The following PPP2R2C variants were observed in gnomAD, a reference collection of about 807,000 sequenced individuals.
PPP2R2C encodes protein phosphatase 2 regulatory subunit Bgamma, also known as protein phosphatase 2, regulatory subunit B, gamma.
PPP2R2C carries 10 observed loss-of-function variants against 45.3 expected under a neutral mutation model. The observed-to-expected ratio is 0.22, with a 90% CI of 0.14 to 0.37. The LOEUF is 0.37. PPP2R2C is among the 10% of genes least tolerant of loss of function. The pLI, the probability that PPP2R2C is intolerant of heterozygous loss-of-function variation, is 1.00. For synonymous variants in PPP2R2C, 257 were observed against 245.4 expected, an observed-to-expected ratio of 1.05 and a Z score of -0.44; for missense variants, 308 against 619.7, an observed-to-expected ratio of 0.50 and a Z score of 5.34.
intron 2 of PPP2R2C, among the ~76,000 whole-genome samples, chr4:6,480,661 G>A (rs1275610571): frequency 6.6e-6 from 1 of 152,062 alleles, no homozygotes; most frequent in Non-Finnish European, 1.5e-5. Context: ...CAGTGTAAAG[G>A]TTTCCTAGGA....
chr4:6,347,739 T>C (rs1016142655), intron 6 of PPP2R2C, 107 bp downstream of exon 6: 16 of 1,399,696 alleles, frequency 1.1e-5, no homozygotes, highest in Middle Eastern at 2.5e-4. Context: ...GTCCAGGACA[T>C]GCTCATCCCA....
chr4:6,512,392 G>A (rs376313898), intron 2 of PPP2R2C, among the ~76,000 whole-genome samples: 3 of 128,422 alleles, frequency 2.3e-5, no homozygotes, highest in African/African-American at 5.9e-5. Flanking sequence ...GGTGGTGATG[G>A]TGGTGGTGGT....
At chr4:6,404,413 G>A (rs941859555) in intron 1 of PPP2R2C, among the ~76,000 whole-genome samples, 1 of 152,172 alleles carries the variant, frequency 6.6e-6, no homozygotes, top group Admixed American at 6.5e-5. Context: ...AAACCCTTGG[G>A]GACGGGTGCC....
intron 1 of PPP2R2C, among the ~76,000 whole-genome samples, chr4:6,401,041 A>G (rs1207494215): frequency 2.6e-5 from 4 of 152,266 alleles, no homozygotes; most frequent in Non-Finnish European, 5.9e-5. Flanking sequence ...GGAAACTGAC[A>G]TTTAACCTAA....
chr4:6,552,606 C>T (rs1476250674), intron 1 of PPP2R2C, among the ~76,000 whole-genome samples: 1 of 152,044 alleles, frequency 6.6e-6, no homozygotes, highest in East Asian at 1.9e-4. Flanking sequence ...CTACCTCCCT[C>T]TTATAAGGAC....
At chr4:6,427,858 C>A (rs1719411555) in intron 1 of PPP2R2C, among the ~76,000 whole-genome samples, 3 of 151,888 alleles carry the variant, frequency 2.0e-5, no homozygotes, top group Admixed American at 2.0e-4. Flanking sequence ...ATCAGGTCTG[C>A]ACAGCCACCG....
chr4:6,483,460 T>G (rs1032854692), intron 2 of PPP2R2C, among the ~76,000 whole-genome samples: 1 of 152,170 alleles, frequency 6.6e-6, no homozygotes, highest in African/African-American at 2.4e-5. Flanking sequence ...TTTTTAATGA[T>G]AGCCATTCTA....
chr4:6,506,286 T>G (rs1723231012), intron 2 of PPP2R2C, among the ~76,000 whole-genome samples: 2 of 152,240 alleles, frequency 1.3e-5, no homozygotes, highest in African/African-American at 4.8e-5. Flanking sequence ...TCAAAACTCA[T>G]CAAATTGAAC....
intron 1 of PPP2R2C, among the ~76,000 whole-genome samples, chr4:6,548,368 C>T (rs1179056730): frequency 1.3e-5 from 2 of 152,210 alleles, no homozygotes; most frequent in African/African-American, 2.4e-5. Context: ...CTCCAAGCTT[C>T]CTGCTCCCAT....
intron 2 of PPP2R2C, among the ~76,000 whole-genome samples, chr4:6,499,728 T>C (rs1270951787): frequency 1.3e-5 from 2 of 151,518 alleles, no homozygotes; most frequent in Non-Finnish European, 2.9e-5. Context: ...ATATTTATCT[T>C]ACTGTTCTGA....
chr4:6,476,107 A>G (rs970210122), upstream of PPP2R2C, among the ~76,000 whole-genome samples: 5 of 152,098 alleles, frequency 3.3e-5, no homozygotes, highest in African/African-American at 1.2e-4. Flanking sequence ...GAGGAAGTAC[A>G]TTTCTGTTGT....
chr4:6,514,372 C>A (rs987074996), intron 2 of PPP2R2C, among the ~76,000 whole-genome samples: 2 of 152,182 alleles, frequency 1.3e-5, no homozygotes, highest in Non-Finnish European at 2.9e-5. Context: ...CCCCCTTTAA[C>A]CCTCACAGGT....
At chr4:6,432,068 T>A (rs1191841896) in intron 1 of PPP2R2C, among the ~76,000 whole-genome samples, 3 of 152,116 alleles carry the variant, frequency 2.0e-5, no homozygotes, top group Non-Finnish European at 4.4e-5. Flanking sequence ...TCTTAACGCA[T>A]CACCTTAAGG....
rs1350064085 is a variant in PPP2R2C at position 6,321,752 on chromosome 4, C to T, written c.*1550G>A. On this transcript the variant is annotated 3_prime_UTR_variant, in exon 9 of 9. Coordinates refer to ENST00000382599, the MANE Select transcript of PPP2R2C (RefSeq NM_020416.4). ...AAACTACGTGGCTCTGCTGCAAGTCCATGAGCAAAGACGACTCAGAGGGGT... is the reference window on the plus strand; with the variant it reads ...AAACTACGTGGCTCTGCTGCAAGTCTATGAGCAAAGACGACTCAGAGGGGT... 1 of 152,134 alleles carries T rather than the reference C, an allele frequency of 6.6e-6. No individual in the cohort carries two copies. Among genetic ancestry groups the T allele is most frequent in the East Asian group, 1.9e-4 (1 of 5,190 alleles). The allele number at this position is 152,134 out of a possible 1,614,324, so 9.4% of individuals were successfully genotyped here.
intron 4 of PPP2R2C, 144 bp from the exon 5 acceptor site, chr4:6,372,844 G>A (rs1202345641): frequency 2.5e-6 from 2 of 790,322 alleles, no homozygotes; most frequent in Non-Finnish European, 4.0e-6. Flanking sequence ...GAAATAGGCA[G>A]TGACAGATGG....
intron 1 of PPP2R2C, among the ~76,000 whole-genome samples, chr4:6,393,752 G>A (rs1716820414): frequency 6.6e-6 from 1 of 152,226 alleles, no homozygotes; most frequent in Admixed American, 6.5e-5. Context: ...CTGCCAGCCT[G>A]GCTGGCACAG....
rs901073729 is a variant in PPP2R2C, at chr4:6,332,595, A to T, written c.960+967T>A. ...CCTACTAGGTCTTCGCACGGAGGAA[A>T]GGAAAGCGTAGGGCTCTGAGCCTGG... On this transcript the variant is annotated intron_variant, in intron 7 of 8. Coordinates refer to ENST00000382599, the MANE Select transcript of PPP2R2C (RefSeq NM_020416.4). This position sits in a 1 kb window ranked among gnomAD's most constrained non-coding sequence, Gnocchi z 4.9. 6.6e-6 allele frequency among the ~76,000 whole-genome samples: 1 copy of T among 152,182 alleles called. No homozygotes were observed.
chr4:6,369,747 CG>C, intron 5 of PPP2R2C, among the ~76,000 whole-genome samples: 1 of 152,244 alleles, frequency 6.6e-6, no homozygotes, highest in East Asian at 1.9e-4. Flanking sequence ...GCTTCCTTGG[CG>C]GCCCCCACAG....
chr4:6,363,396 G>A, intron 5 of PPP2R2C, among the ~76,000 whole-genome samples: 1 of 152,056 alleles, frequency 6.6e-6, no homozygotes, highest in East Asian at 1.9e-4. Flanking sequence ...GGCTAACACG[G>A]TGAAACCCCG....
Sources: gnomAD v4.1 joint callset for allele counts (sites outside exome capture counted in the v4.1 genomes callset) on GRCh38, gnomAD v4.1.1 for gene constraint, Gnocchi (gnomAD v3.1) non-coding constraint, MANE v1.5 for transcripts, NCBI Gene and HGNC (gene_info 2026-07-23, HGNC 2026-07-21) for gene names.